The following ASCC3 variants were observed in gnomAD, a reference collection of about 807,000 sequenced individuals.
ASCC3 encodes the protein ASC-1 complex subunit P200.
A neutral mutation model predicts 256.3 loss-of-function variants in ASCC3; 158 were observed. That is an observed-to-expected ratio of 0.62 (90% confidence interval 0.54 to 0.70). The LOEUF (loss-of-function observed/expected upper bound fraction) is 0.70, where lower values mean the gene tolerates loss of function less well. ASCC3 is among the 30% of genes least tolerant of loss of function. The pLI, the probability that ASCC3 is intolerant of heterozygous loss-of-function variation, is 0.00. For missense variants in ASCC3, 2,259 were observed against 2,626.0 expected, an observed-to-expected ratio of 0.86 and a Z score of 3.05; for synonymous variants, 948 against 883.4, an observed-to-expected ratio of 1.07 and a Z score of -1.30.
At chr6:100,566,386 C>G (rs1044874582) in intron 36 of ASCC3, among the ~76,000 whole-genome samples, 4 of 152,104 alleles carry the variant, frequency 2.6e-5, no homozygotes, top group Admixed American at 1.3e-4. Context: ...TTCTGAAATG[C>G]AAATACCCTT....
At chr6:100,865,561 G>T (rs891444006) in intron 2 of ASCC3, among the ~76,000 whole-genome samples, 2 of 152,000 alleles carry the variant, frequency 1.3e-5, no homozygotes, top group African/African-American at 2.4e-5. Context: ...ACCAAATTTT[G>T]TATCATTAGA....
chr6:100,795,340 AG>A (rs916163556), intron 8 of ASCC3, among the ~76,000 whole-genome samples: 1 of 152,024 alleles, frequency 6.6e-6, no homozygotes, highest in African/African-American at 2.4e-5. Flanking sequence ...GAAACACAAA[AG>A]GGGGTGGGTA....
intron 37 of ASCC3, among the ~76,000 whole-genome samples, chr6:100,528,164 T>C (rs541430965): frequency 1.3e-5 from 2 of 152,316 alleles, no homozygotes; most frequent in South Asian, 4.1e-4. Context: ...TATCTGCTAA[T>C]ATACTTTAAA....
At chr6:100,578,301 C>T (rs1024322998) in intron 36 of ASCC3, among the ~76,000 whole-genome samples, 3 of 151,952 alleles carry the variant, frequency 2.0e-5, no homozygotes, top group Non-Finnish European at 4.4e-5. Context: ...GGGTACATGA[C>T]CAAGTCTGTT....
intron 36 of ASCC3, among the ~76,000 whole-genome samples, chr6:100,580,081 T>G (rs1388358870): frequency 6.6e-6 from 1 of 152,156 alleles, no homozygotes. Context: ...TTATTCTTTT[T>G]GTTGCTATTG....
chr6:100,633,019 A>T (rs1454794690), intron 25 of ASCC3, among the ~76,000 whole-genome samples: 1 of 152,192 alleles, frequency 6.6e-6, no homozygotes, highest in East Asian at 1.9e-4. Flanking sequence ...ACAGAGAGAC[A>T]ATGTGAAATG....
chr6:100,583,314 GGAGGGTGTATGTGTC>G lies in ASCC3; in HGVS notation c.5550+6305_5550+6319del, dbSNP rs549147865. ...TCAACTTCTTCCTGGTTTAGTCTTGGGAGGGTGTATGTGTCGAGGAATTTATCCATTTCTTCTAGA... is the reference window on the plus strand; with the variant it reads ...TCAACTTCTTCCTGGTTTAGTCTTGGGAGGAATTTATCCATTTCTTCTAGA... On this transcript the variant is annotated intron_variant, in intron 36 of 41. Transcript: ENST00000369162. 4.8e-4 allele frequency among the ~76,000 whole-genome samples: 73 copies of G among 152,226 alleles called. 1 individual carries two copies. Among genetic ancestry groups the G allele is most frequent in the African/African-American group, 1.7e-3 (69 of 41,540 alleles).
intron 14 of ASCC3, among the ~76,000 whole-genome samples, chr6:100,662,747 A>C (rs1023637392): frequency 6.6e-6 from 1 of 152,044 alleles, no homozygotes; most frequent in African/African-American, 2.4e-5. Flanking sequence ...TATATCACAA[A>C]ATTCAAAAGG....
intron 36 of ASCC3, among the ~76,000 whole-genome samples, chr6:100,561,164 G>C (rs1769928862): frequency 6.6e-6 from 1 of 150,858 alleles, no homozygotes; most frequent in Admixed American, 6.6e-5. Flanking sequence ...TCTACAAATA[G>C]CAAAATTGTA....
intron 8 of ASCC3, among the ~76,000 whole-genome samples, chr6:100,773,248 CTAT>C (rs1308630915): frequency 6.6e-6 from 1 of 151,992 alleles, no homozygotes; most frequent in Non-Finnish European, 1.5e-5. Flanking sequence ...TTAATGGTAG[CTAT>C]TATTATTACT....
rs184098213 is a variant in ASCC3 at position 100,629,665 on chromosome 6, T to G, written c.4209-484A>C. 2.4e-4 allele frequency among the ~76,000 whole-genome samples: 36 copies of G among 152,276 alleles called. No individual in the cohort carries two copies. In the East Asian group the frequency reaches 5.8e-3, roughly 25 times the overall value. On this transcript the variant is annotated intron_variant, in intron 26 of 41. Transcript: ENST00000369162. ...TTGTGTGCAAGCTCATTTCTTTCCT[T>G]AGATTGGAATTTTCTATAGATTTTA... is the stretch of plus-strand genomic sequence containing the variant.
intron 36 of ASCC3, among the ~76,000 whole-genome samples, chr6:100,569,030 C>T (rs1344513744): frequency 4.6e-5 from 7 of 152,138 alleles, no homozygotes; most frequent in Non-Finnish European, 8.8e-5. Flanking sequence ...CTGATTGCCT[C>T]GGCCTAGTCA....
intron 22 of ASCC3, among the ~76,000 whole-genome samples, chr6:100,644,801 A>G (rs567551749): frequency 6.6e-6 from 1 of 152,300 alleles, no homozygotes; most frequent in South Asian, 2.1e-4. Flanking sequence ...TAGACTGAAG[A>G]AAAGGTCTAT....
chr6:100,755,714 T>C (rs941042084), intron 10 of ASCC3, among the ~76,000 whole-genome samples: 2 of 152,104 alleles, frequency 1.3e-5, no homozygotes, highest in Admixed American at 6.6e-5. Flanking sequence ...AATATTTCTA[T>C]TATTTTCATT....
intron 10 of ASCC3, among the ~76,000 whole-genome samples, chr6:100,766,303 A>G (rs1562281554): frequency 6.6e-6 from 1 of 152,168 alleles, no homozygotes; most frequent in African/African-American, 2.4e-5. Context: ...ATTTTAAAAG[A>G]ATAGCCTTAC....
At position 100,605,639 on chromosome 6, in the gene ASCC3, T is replaced by G; in HGVS notation, c.5106A>C (p.Val1702=). ...RPQFDDQGKA[V]ILVHDIKKDF... is the part of the protein sequence containing the mutation. Reference sequence around the variant, plus strand: ...CTTTCTTTATGTCATGAACTAGAATTACAGCTTTGCCTTGGTCATCGAACT... The same window carrying G: ...CTTTCTTTATGTCATGAACTAGAATGACAGCTTTGCCTTGGTCATCGAACT... Residue 1702 remains valine (V), a synonymous_variant, in exon 33 of 42, where the codon GTA becomes GTC. Coordinates refer to ENST00000369162, the MANE Select transcript of ASCC3 (RefSeq NM_006828.4). 2 of 1,608,400 alleles carry G rather than the reference T, an allele frequency of 1.2e-6. No individual in the cohort carries two copies.
At chr6:100,844,056 G>T (rs754107688) in intron 4 of ASCC3, among the ~76,000 whole-genome samples, 6 of 150,344 alleles carry the variant, frequency 4.0e-5, no homozygotes, top group Non-Finnish European at 7.4e-5. Context: ...GCCCATAGTC[G>T]ATAAGACATT....
At chr6:100,582,953 G>T (rs1359145276) in intron 36 of ASCC3, among the ~76,000 whole-genome samples, 2 of 152,268 alleles carry the variant, frequency 1.3e-5, no homozygotes, top group East Asian at 3.9e-4. Flanking sequence ...GATCATGGTG[G>T]ATAAGCTTTT....
At chr6:100,753,148 T>C (rs939252715) in intron 10 of ASCC3, among the ~76,000 whole-genome samples, 10 of 152,016 alleles carry the variant, frequency 6.6e-5, no homozygotes, top group African/African-American at 1.7e-4. Flanking sequence ...CGCATTAATA[T>C]ACATCAAAAT....
Sources: allele counts gnomAD v4.1 joint callset (sites outside exome capture counted in the v4.1 genomes callset), GRCh38; gene constraint gnomAD v4.1.1; transcripts MANE v1.5; gene names NCBI Gene and HGNC (gene_info 2026-07-23, HGNC 2026-07-21).